ADAM18: variants seen among roughly 807,000 people sequenced by gnomAD.
ADAM18 encodes the protein ADAM metallopeptidase domain 18.
Under a neutral mutation model 94.4 loss-of-function variants are expected in ADAM18, and 117 were observed. The observed-to-expected ratio is 1.24, with a 90% confidence interval of 1.07 to 1.45. ADAM18 has a LOEUF of 1.45. ADAM18 is among the 40% of genes most tolerant of loss of function. The probability of loss-of-function intolerance (pLI) is 0.00; values close to 1 mark genes in which losing one functional copy is unlikely to be tolerated. For missense variants in ADAM18, 936 were observed against 880.0 expected, an observed-to-expected ratio of 1.06 and a Z score of -0.81; for synonymous variants, 327 against 291.6, an observed-to-expected ratio of 1.12 and a Z score of -1.24.
At chr8:39,707,930 T>A (rs1044030627) in intron 18 of ADAM18, among the ~76,000 whole-genome samples, 1 of 152,148 alleles carries the variant, frequency 6.6e-6, no homozygotes, top group African/African-American at 2.4e-5. Context: ...GGGATCATGA[T>A]GAAGTAAAAT....
intron 12 of ADAM18, among the ~76,000 whole-genome samples, chr8:39,650,638 A>T (rs1046126869): frequency 6.6e-6 from 1 of 152,228 alleles, no homozygotes; most frequent in Non-Finnish European, 1.5e-5. Context: ...GAATGAAAGG[A>T]AACAAATTAA....
At chr8:39,723,651 T>G (rs2129581860) in intron 18 of ADAM18, 97 bp from the exon 19 acceptor site, 1 of 895,424 alleles carries the variant, frequency 1.1e-6, no homozygotes, top group East Asian at 3.3e-5. Context: ...GCATTAAAAC[T>G]TCATTATATA....
intron 16 of ADAM18, among the ~76,000 whole-genome samples, chr8:39,687,444 G>C (rs1821637495): frequency 6.6e-6 from 1 of 152,082 alleles, no homozygotes; most frequent in Non-Finnish European, 1.5e-5. Flanking sequence ...TACATACACT[G>C]GTCTAAATTA....
At chr8:39,641,526 TC>T (rs779905362) in intron 10 of ADAM18, among the ~76,000 whole-genome samples, 8 of 152,054 alleles carry the variant, frequency 5.3e-5, no homozygotes, top group Non-Finnish European at 1.2e-4. Context: ...TGTGTGTTGT[TC>T]CATGTGTCTA....
chr8:39,629,344 T>C (rs1397101032), intron 6 of ADAM18, 30 bp from the exon 7 acceptor site: 5 of 1,508,876 alleles, frequency 3.3e-6, no homozygotes, highest in Non-Finnish European at 4.5e-6. Flanking sequence ...ATGTTAACAT[T>C]TTATAAATCC....
At position 39,610,496 on chromosome 8, in the gene ADAM18, A is replaced by G. The variant is rs202232780; in HGVS notation, c.345-33A>G. The G allele has an allele frequency of 9.0e-6, 14 of 1,557,272 alleles. No homozygotes were observed. In the Admixed American group the frequency reaches 9.5e-5, roughly 11 times the overall value. ...TGAAGGGATCATTTGTGAGATTTTTATAACTATTTTCTTATGCCTTCTAAA... is the reference window on the plus strand; with the variant it reads ...TGAAGGGATCATTTGTGAGATTTTTGTAACTATTTTCTTATGCCTTCTAAA... On this transcript the variant is annotated intron_variant, in intron 5 of 19. Transcript: ENST00000265707.
intron 16 of ADAM18, among the ~76,000 whole-genome samples, chr8:39,691,187 A>G (rs1433496091): frequency 6.6e-6 from 1 of 152,180 alleles, no homozygotes; most frequent in Non-Finnish European, 1.5e-5. Flanking sequence ...AGAAAAGTTT[A>G]TAAGGTACAA....
At chr8:39,693,034 T>C (rs1348177012) in intron 17 of ADAM18, among the ~76,000 whole-genome samples, 1 of 151,602 alleles carries the variant, frequency 6.6e-6, no homozygotes, top group Admixed American at 6.6e-5. Flanking sequence ...TAAAAACACG[T>C]TGACATATCA....
intron 2 of ADAM18, among the ~76,000 whole-genome samples, chr8:39,595,925 G>A (rs1818729289): frequency 1.3e-5 from 2 of 152,020 alleles, no homozygotes; most frequent in Admixed American, 1.3e-4. Flanking sequence ...ATATTCCCAG[G>A]ATTTCTTAGC....
At chr8:39,592,212 G>A (rs1437661648) in intron 2 of ADAM18, among the ~76,000 whole-genome samples, 1 of 152,150 alleles carries the variant, frequency 6.6e-6, no homozygotes, top group Non-Finnish European at 1.5e-5. Flanking sequence ...GCTGTAATAA[G>A]CATTAACAAG....
intron 17 of ADAM18, among the ~76,000 whole-genome samples, chr8:39,696,592 T>G (rs1222585330): frequency 6.6e-6 from 1 of 151,672 alleles, no homozygotes; most frequent in African/African-American, 2.4e-5. Context: ...TACATATGGA[T>G]ATACACTTTT....
Position 39,585,318 on chromosome 8 carries a change from T to C in ADAM18, c.98T>C (p.Ile33Thr). The change falls in exon 2 of 20, where the codon ATT (isoleucine) becomes ACT (threonine). Residue 33 changes from isoleucine to threonine, a missense_variant. Transcript: ENST00000265707. Reference sequence around the variant, plus strand: ...CTGCATGTCACAGTTCCACGGAAGATTAAGTCAAATGACAGTGAAGTTTCA... The same window carrying C: ...CTGCATGTCACAGTTCCACGGAAGACTAAGTCAAATGACAGTGAAGTTTCA... ...IFLHVTVPRK[I>T]KSNDSEVSER... 6.2e-7 allele frequency: 1 copy of C among 1,613,566 alleles called. No homozygotes were observed. The highest frequency in any genetic ancestry group is 8.5e-7 in the Non-Finnish European group (1 of 1,179,694).
At chr8:39,696,846 G>A (rs1821939981) in intron 17 of ADAM18, among the ~76,000 whole-genome samples, 1 of 151,444 alleles carries the variant, frequency 6.6e-6, no homozygotes, top group African/African-American at 2.4e-5. Flanking sequence ...AAGGCTACCT[G>A]AAGTGCCTTG....
At chr8:39,585,409 C>A in intron 2 of ADAM18, 57 bp downstream of exon 2, 2 of 1,245,226 alleles carry the variant, frequency 1.6e-6, no homozygotes, top group Non-Finnish European at 2.3e-6. Context: ...TTTTTATTTA[C>A]CCTTATATTA....
At chr8:39,609,158 T>A in intron 4 of ADAM18, 38 bp downstream of exon 4, 8 of 1,265,162 alleles carry the variant, frequency 6.3e-6, no homozygotes, top group Non-Finnish European at 9.0e-6. Flanking sequence ...TTAAAGTGGT[T>A]ATATTATTAC....
chr8:39,693,992 A>T (rs1474753626), intron 17 of ADAM18, among the ~76,000 whole-genome samples: 1 of 151,248 alleles, frequency 6.6e-6, no homozygotes, highest in Non-Finnish European at 1.5e-5. Context: ...CAGTTATAAT[A>T]GAGTTGTTCT....
chr8:39,601,281 T>C (rs918994302), intron 2 of ADAM18, among the ~76,000 whole-genome samples: 6 of 152,366 alleles, frequency 3.9e-5, no homozygotes, highest in African/African-American at 1.4e-4. Context: ...CACTGTCTTC[T>C]GTCTTCCAGC....
intron 12 of ADAM18, among the ~76,000 whole-genome samples, chr8:39,649,945 C>T (rs547300937): frequency 1.3e-5 from 2 of 152,236 alleles, no homozygotes; most frequent in African/African-American, 4.8e-5. Flanking sequence ...CAGCCTTGCC[C>T]ATGTGTTTGA....
intron 17 of ADAM18, among the ~76,000 whole-genome samples, chr8:39,698,286 A>G (rs182550477): frequency 3.9e-5 from 6 of 151,908 alleles, no homozygotes; most frequent in African/African-American, 7.2e-5. Context: ...ATAGATTTCA[A>G]TTGTGTGGGG....
Sources: allele counts gnomAD v4.1 joint callset (sites outside exome capture counted in the v4.1 genomes callset), GRCh38; gene constraint gnomAD v4.1.1; transcripts MANE v1.5; gene names NCBI Gene and HGNC (gene_info 2026-07-23, HGNC 2026-07-21).